TRPM3: variants seen among roughly 807,000 people sequenced by gnomAD.
TRPM3 encodes transient receptor potential cation channel subfamily M member 3.
TRPM3 carries 77 observed loss-of-function variants against 181.2 expected under a neutral mutation model. That is an observed-to-expected ratio of 0.42 (90% confidence interval 0.35 to 0.51). The LOEUF (loss-of-function observed/expected upper bound fraction) is 0.51. TRPM3 is among the 20% of genes least tolerant of loss of function. The probability of loss-of-function intolerance (pLI) is 0.01; values close to 1 mark genes in which losing one functional copy is unlikely to be tolerated. For synonymous variants in TRPM3, 745 were observed against 796.4 expected (o/e 0.94, Z 1.09); for missense variants, 1,759 against 2,196.7 (o/e 0.80, Z 3.98).
rs111292543 is a variant in TRPM3, at chr9:70,574,090, G to GCACA, written c.3223+16940_3223+16941insTGTG. 4.9e-3 allele frequency among the ~76,000 whole-genome samples: 708 copies of GCACA among 143,348 alleles called. 15 individuals carry two copies. The highest frequency in any genetic ancestry group is 0.044 in the Admixed American group (630 of 14,402). 94.0% of individuals were successfully genotyped at this position (143,348 alleles called of 152,430 possible). The stretch of plus-strand genomic sequence containing the variant: ...ATTCATGTCAGACACACACACGCGC[G>GCACA]CGCACACACACACACACACACTACT... On this transcript the variant is annotated intron_variant, in intron 22 of 25. Coordinates refer to ENST00000677713, the MANE Select transcript of TRPM3 (RefSeq NM_001366145.2).
intron 1 of TRPM3, among the ~76,000 whole-genome samples, chr9:70,964,556 A>G (rs971803439): frequency 1.3e-5 from 2 of 152,106 alleles, no homozygotes; most frequent in African/African-American, 2.4e-5. Context: ...TCAAAAGGCC[A>G]GGAAGAATCT....
chr9:70,801,549 A>G (rs1393842334), intron 6 of TRPM3, among the ~76,000 whole-genome samples: 2 of 152,110 alleles, frequency 1.3e-5, no homozygotes, highest in Non-Finnish European at 2.9e-5. Context: ...ATGGTGCTGG[A>G]AATAAATCCC....
chr9:71,239,481 C>A (rs2081542463), intron 1 of TRPM3, among the ~76,000 whole-genome samples: 2 of 152,110 alleles, frequency 1.3e-5, no homozygotes, highest in Admixed American at 6.5e-5. Flanking sequence ...GTAATACACA[C>A]AATGATCCGA....
At chr9:71,195,177 G>A (rs180733820) in intron 1 of TRPM3, among the ~76,000 whole-genome samples, 51 of 152,158 alleles carry the variant, frequency 3.4e-4, no homozygotes, top group Middle Eastern at 3.4e-3. Context: ...TTTAACTGAA[G>A]AGCTTCCGCA....
At chr9:71,008,372 A>T (rs947018932) in intron 1 of TRPM3, among the ~76,000 whole-genome samples, 1 of 111,690 alleles carries the variant, frequency 9.0e-6, no homozygotes, top group Non-Finnish European at 1.8e-5. Flanking sequence ...CAAACTGTTA[A>T]AAAAAAAATG....
chr9:71,328,069 A>T (rs1194971455), intron 1 of TRPM3, among the ~76,000 whole-genome samples: 256 of 125,176 alleles, frequency 2.0e-3, no homozygotes, highest in African/African-American at 8.2e-3. Flanking sequence ...TTTCTGAATT[A>T]AAAAAAAAAA....
chr9:71,341,405 T>A (rs982914956), intron 1 of TRPM3, among the ~76,000 whole-genome samples: 3 of 152,096 alleles, frequency 2.0e-5, no homozygotes, highest in Non-Finnish European at 4.4e-5. Context: ...GACATGTACA[T>A]CTGGTATGAT....
intron 1 of TRPM3, among the ~76,000 whole-genome samples, chr9:71,389,070 A>T (rs2092996682): frequency 6.6e-6 from 1 of 152,118 alleles, no homozygotes; most frequent in Admixed American, 6.6e-5. Flanking sequence ...TTTAGAAGAA[A>T]ATCTTCACCA....
chr9:71,008,174 C>CT (rs1435051081), intron 1 of TRPM3, among the ~76,000 whole-genome samples: 2 of 151,768 alleles, frequency 1.3e-5, no homozygotes, highest in African/African-American at 4.8e-5. Context: ...CCAAAAGAAA[C>CT]TTATGAATTC....
At chr9:71,389,590 A>G (rs543998406) in intron 1 of TRPM3, among the ~76,000 whole-genome samples, 18 of 152,302 alleles carry the variant, frequency 1.2e-4, no homozygotes, top group South Asian at 8.3e-4. Context: ...CCAAATGCCC[A>G]TCAATCAACA....
chr9:71,175,369 A>G (rs7023023), intron 1 of TRPM3, among the ~76,000 whole-genome samples: 5,463 of 152,280 alleles, frequency 0.036, 340 homozygotes, highest in African/African-American at 0.12. Context: ...GAGCTGAGAC[A>G]GGTCCAAGGA....
Sources: gnomAD v4.1 joint callset for allele counts (sites outside exome capture counted in the v4.1 genomes callset) on GRCh38, gnomAD v4.1.1 for gene constraint, MANE v1.5 for transcripts, NCBI Gene and HGNC (gene_info 2026-07-23, HGNC 2026-07-21) for gene names.